Variants in CCDC180 observed in about 807,000 individuals in gnomAD.
CCDC180 encodes coiled-coil domain containing 180, also known as coiled-coil domain-containing protein 180.
CCDC180 carries 154 observed loss-of-function variants against 209.2 expected under a neutral mutation model. The observed-to-expected ratio is 0.74, with a 90% CI of 0.65 to 0.84. CCDC180 has a LOEUF of 0.84. Among genes scored for constraint, CCDC180 ranks in the 40% least tolerant of loss-of-function variants. CCDC180 has a pLI of 0.00. For synonymous variants in CCDC180, 778 were observed against 749.1 expected (o/e 1.04, Z -0.63); for missense variants, 1,874 against 1,997.3 (o/e 0.94, Z 1.18).
chr9:97,323,975 G>A (rs1488957555), intron 13 of CCDC180, 72 bp downstream of exon 13: 1 of 1,514,416 alleles, frequency 6.6e-7, no homozygotes, highest in Non-Finnish European at 8.9e-7. Flanking sequence ...TGGGCTGTAG[G>A]GAGAGTCCAA....
At chr9:97,339,087 A>G (rs1374253352) in intron 18 of CCDC180, among the ~76,000 whole-genome samples, 2 of 152,016 alleles carry the variant, frequency 1.3e-5, no homozygotes, top group African/African-American at 4.8e-5. Flanking sequence ...AATACAGCAC[A>G]CTGATGGGTC....
upstream of CCDC180, chr9:97,307,439 G>A: frequency 1.7e-6 from 1 of 589,660 alleles, no homozygotes. Flanking sequence ...CCGGGCTCAG[G>A]GGGACGGCCA....
chr9:97,349,093 C>T lies in CCDC180; in HGVS notation c.2675-18C>T. Reference sequence around the variant, plus strand: ...GAATCGGGTCCCCGGGGCCCCAGCTCTCTTAATCCTTTTTCAGCCGAGCTT... The same window carrying T: ...GAATCGGGTCCCCGGGGCCCCAGCTTTCTTAATCCTTTTTCAGCCGAGCTT... On this transcript the variant is annotated intron_variant, in intron 20 of 36. Transcript: ENST00000529487. The T allele has an allele frequency of 6.5e-7, 1 of 1,533,778 alleles. No homozygotes were observed. Among genetic ancestry groups the T allele is most frequent in the South Asian group, 1.2e-5 (1 of 83,862 alleles).
chr9:97,368,856 A>G (rs997110641), intron 31 of CCDC180, among the ~76,000 whole-genome samples: 1 of 152,228 alleles, frequency 6.6e-6, no homozygotes. Context: ...CAAAATCCCC[A>G]TAAACACAAG....
chr9:97,343,624 T>TA, intron 19 of CCDC180, 61 bp downstream of exon 19: 1 of 1,151,788 alleles, frequency 8.7e-7, no homozygotes, highest in Non-Finnish European at 1.2e-6. Context: ...CAAGGTGAAA[T>TA]ATTAAAAAAA....
chr9:97,349,512 G>A (rs535632057), intron 21 of CCDC180, among the ~76,000 whole-genome samples: 83 of 152,346 alleles, frequency 5.4e-4, no homozygotes, highest in Admixed American at 8.5e-4. Flanking sequence ...TATATGCACA[G>A]GCAGCATGCA....
chr9:97,314,287 C>A, intron 5 of CCDC180, 106 bp from the exon 6 acceptor site: 1 of 1,381,142 alleles, frequency 7.2e-7, no homozygotes, highest in Non-Finnish European at 1.0e-6. Context: ...CAATGATCAT[C>A]ATTTTTGAGA....
At chr9:97,342,673 A>G (rs567070253) in intron 18 of CCDC180, among the ~76,000 whole-genome samples, 1 of 152,276 alleles carries the variant, frequency 6.6e-6, no homozygotes, top group East Asian at 1.9e-4. Context: ...GGCTTTCCTT[A>G]TGCCTCCCTG....
chr9:97,365,191 C>T (rs1250821004), intron 29 of CCDC180: 2 of 153,326 alleles, frequency 1.3e-5, no homozygotes, highest in African/African-American at 4.8e-5. Flanking sequence ...ATTTCATTTT[C>T]CTAGACTATG....
At chr9:97,331,425 TG>T (rs1309480403) in intron 18 of CCDC180, among the ~76,000 whole-genome samples, 2 of 152,332 alleles carry the variant, frequency 1.3e-5, no homozygotes, top group South Asian at 4.1e-4. Flanking sequence ...TACATTCCTT[TG>T]GGTATATACA....
chr9:97,345,466 G>A (rs1826228891), intron 19 of CCDC180: 2 of 352,578 alleles, frequency 5.7e-6, no homozygotes, highest in South Asian at 2.3e-5. Context: ...GTATGATATT[G>A]TATACCTTTA....
chr9:97,329,644 G>T (rs1157500902), intron 16 of CCDC180, among the ~76,000 whole-genome samples: 2 of 152,154 alleles, frequency 1.3e-5, no homozygotes, highest in African/African-American at 4.8e-5. Flanking sequence ...TGCTATAAGG[G>T]TTTGCTAGCC....
chr9:97,355,346 G>A (rs1826548753), intron 24 of CCDC180, among the ~76,000 whole-genome samples: 1 of 151,914 alleles, frequency 6.6e-6, no homozygotes, highest in Non-Finnish European at 1.5e-5. Flanking sequence ...TGTAGAGATG[G>A]GGTCTCCCTA....
Position 97,308,069 on chromosome 9 carries a change from G to C in CCDC180, c.6G>C (p.Ser2=), listed in dbSNP as rs12683119. M[S]SVGKVTQVPN... is the part of the protein sequence containing the mutation. ...GCATCCAGCCAGCGGCCAAGATGTC[G>C]TCAGTGGGGAAGGTGACCCAGGTTC... The change falls in exon 2 of 37, where the codon TCG becomes TCC. Residue 2 remains serine, a synonymous_variant. Transcript: ENST00000529487. 389,761 of 1,612,752 alleles carry C rather than the reference G, an allele frequency of 0.24. 50,691 individuals are homozygous for C. Among genetic ancestry groups the C allele is most frequent in the Middle Eastern group, 0.33 (2,026 of 6,056 alleles).
chr9:97,321,670 C>T (rs1046386955), intron 11 of CCDC180, among the ~76,000 whole-genome samples: 5 of 152,296 alleles, frequency 3.3e-5, no homozygotes, highest in South Asian at 2.1e-4. Flanking sequence ...GCTCTGCCCT[C>T]CGGCACTTCC....
At chr9:97,359,840 GC>G (rs1439869447) in intron 25 of CCDC180, 141 bp from the exon 26 acceptor site, 1 of 1,079,686 alleles carries the variant, frequency 9.3e-7, no homozygotes, top group Non-Finnish European at 1.3e-6. Flanking sequence ...CTCCCCAAGG[GC>G]CTTCCCTGCA....
At chr9:97,351,128 A>C (rs1485988748) in intron 22 of CCDC180, among the ~76,000 whole-genome samples, 2 of 152,196 alleles carry the variant, frequency 1.3e-5, no homozygotes, top group African/African-American at 4.8e-5. Flanking sequence ...TGGTGTACAA[A>C]TACCTGTTCA....
rs1826767806 is a variant in CCDC180 at position 97,361,964 on chromosome 9, CCAG to C, written c.3656+68_3656+70del. On this transcript the variant is annotated intron_variant, in intron 27 of 36. Coordinates refer to ENST00000529487, the MANE Select transcript of CCDC180 (RefSeq NM_020893.6). ...GCCCCTGGCCCTGGACCTTCAGGGA[CCAG>C]CTTTGGGGCCCCACACACTGGGGTT... is the stretch of plus-strand genomic sequence containing the variant. 3 of 1,560,624 alleles carry C rather than the reference CCAG, an allele frequency of 1.9e-6. No individual in the cohort carries two copies. The East Asian group carries it at 6.9e-5, about 36-fold the overall frequency.
At chr9:97,350,339 C>A in intron 21 of CCDC180, 70 bp from the exon 22 acceptor site, 1 of 1,458,518 alleles carries the variant, frequency 6.9e-7, no homozygotes. Context: ...ATCACCATCA[C>A]CACCTGCCCC....
Sources: gnomAD v4.1 joint callset for allele counts (sites outside exome capture counted in the v4.1 genomes callset) on GRCh38, gnomAD v4.1.1 for gene constraint, MANE v1.5 for transcripts, NCBI Gene and HGNC (gene_info 2026-07-23, HGNC 2026-07-21) for gene names.